The following ADAM10 variants were observed in gnomAD, a reference collection of about 807,000 sequenced individuals.
ADAM10 encodes the protein disintegrin and metalloproteinase domain-containing protein 10.
Under a neutral mutation model 90.1 loss-of-function variants are expected in ADAM10, and 17 were observed. The ratio of observed to expected loss-of-function variants is 0.19; its 90% CI spans 0.13 to 0.28. The LOEUF (loss-of-function observed/expected upper bound fraction) is 0.28. Among genes scored for constraint, ADAM10 ranks in the 10% least tolerant of loss-of-function variants. The pLI, the probability that ADAM10 is intolerant of heterozygous loss-of-function variation, is 1.00. For synonymous variants in ADAM10, 310 were observed against 298.6 expected, an observed-to-expected ratio of 1.04 and a Z score of -0.40; for missense variants, 610 against 914.3, an observed-to-expected ratio of 0.67 and a Z score of 4.29.
chr15:58,653,697 C>G (rs9744518), intron 5 of ADAM10, among the ~76,000 whole-genome samples: 43,636 of 151,928 alleles, frequency 0.29, 8,854 homozygotes, highest in African/African-American at 0.57. Flanking sequence ...CCTTTATCTG[C>G]TTTTGGTATC....
Position 58,591,528 on chromosome 15 carries a change from G to C in ADAM10, c.*6019C>G, listed in dbSNP as rs1188636090. 6.6e-6 allele frequency: 1 copy of C among 151,994 alleles called. No individual in the cohort carries two copies. The highest frequency in any genetic ancestry group is 2.4e-5 in the African/African-American group (1 of 41,352). 9.4% of individuals were successfully genotyped at this position (151,994 alleles called of 1,614,324 possible). On this transcript the variant is annotated 3_prime_UTR_variant, in exon 16 of 16. Transcript: ENST00000260408. ...TCCTCCCACCTTGGCCTCCCAAAGTGTTGGGATTACAGGTATGAGCCATCA... is the reference window on the plus strand; with the variant it reads ...TCCTCCCACCTTGGCCTCCCAAAGTCTTGGGATTACAGGTATGAGCCATCA...
chr15:58,610,816 A>G, intron 13 of ADAM10, 183 bp downstream of exon 13: 1 of 646,526 alleles, frequency 1.5e-6, no homozygotes, highest in Non-Finnish European at 2.7e-6. Flanking sequence ...ATCATTTTTA[A>G]AACATTGTAG....
At chr15:58,701,574 T>C (rs1265160290) in intron 2 of ADAM10, among the ~76,000 whole-genome samples, 5 of 152,170 alleles carry the variant, frequency 3.3e-5, no homozygotes, top group African/African-American at 9.7e-5. Flanking sequence ...CAAAACAGCA[T>C]AGAGATTTCT....
intron 5 of ADAM10, among the ~76,000 whole-genome samples, chr15:58,659,772 AG>A (rs1896924391): frequency 6.6e-6 from 1 of 152,138 alleles, no homozygotes; most frequent in South Asian, 2.1e-4. Flanking sequence ...TCTGTCGCCC[AG>A]GCTGGAGTGC....
intron 4 of ADAM10, chr15:58,672,780 A>AT (rs1566989263): frequency 7.7e-6 from 1 of 129,434 alleles, no homozygotes; most frequent in African/African-American, 3.2e-5. Flanking sequence ...GGAAGGCCTC[A>AT]TGCAGCAAAA....
At chr15:58,720,478 G>A (rs3933541) in intron 1 of ADAM10, among the ~76,000 whole-genome samples, 25,640 of 150,938 alleles carry the variant, frequency 0.17, 2,432 homozygotes, top group East Asian at 0.44. Flanking sequence ...TCGGCTCACC[G>A]CAAGCTCCAC....
chr15:58,646,527 A>G (rs987469220), intron 5 of ADAM10, among the ~76,000 whole-genome samples: 11 of 152,126 alleles, frequency 7.2e-5, no homozygotes, highest in Non-Finnish European at 5.9e-5. Context: ...ATACCCATCT[A>G]CCATCCAGTT....
chr15:58,741,481 AGCAT>A (rs1899613019), intron 1 of ADAM10, among the ~76,000 whole-genome samples: 1 of 152,194 alleles, frequency 6.6e-6, no homozygotes, highest in Non-Finnish European at 1.5e-5. Flanking sequence ...CCCAAGTATT[AGCAT>A]GCAAATAAAA....
chr15:58,618,335 C>T (rs1895680938), intron 11 of ADAM10, among the ~76,000 whole-genome samples: 1 of 152,090 alleles, frequency 6.6e-6, no homozygotes, highest in South Asian at 2.1e-4. Context: ...AAAAATGAAA[C>T]TAGACCCCTA....
chr15:58,618,906 T>C (rs1895698722), intron 11 of ADAM10, among the ~76,000 whole-genome samples: 1 of 152,216 alleles, frequency 6.6e-6, no homozygotes. Flanking sequence ...AGTTTACTGC[T>C]GGTGGGAATA....
intron 2 of ADAM10, chr15:58,698,367 T>C (rs1898034170): frequency 5.0e-6 from 2 of 396,724 alleles, no homozygotes; most frequent in Non-Finnish European, 9.8e-6. Flanking sequence ...AACCCAGGAG[T>C]TTGAGACCAG....
chr15:58,711,830 TTAAG>T (rs1300961185), intron 2 of ADAM10, among the ~76,000 whole-genome samples: 3 of 152,242 alleles, frequency 2.0e-5, no homozygotes, highest in Non-Finnish European at 4.4e-5. Flanking sequence ...GACAATCGTT[TTAAG>T]TAAGAGTCTC....
At chr15:58,645,025 T>A (rs1215944703) in intron 6 of ADAM10, among the ~76,000 whole-genome samples, 1 of 152,190 alleles carries the variant, frequency 6.6e-6, no homozygotes, top group African/African-American at 2.4e-5. Context: ...CCTTCCCAAC[T>A]TCATTTACAA....
chr15:58,695,888 G>A (rs933605294), intron 2 of ADAM10, among the ~76,000 whole-genome samples: 2 of 152,050 alleles, frequency 1.3e-5, no homozygotes, highest in Non-Finnish European at 2.9e-5. Context: ...AGGCCGAGGC[G>A]GGTGGATCAC....
intron 14 of ADAM10, among the ~76,000 whole-genome samples, chr15:58,602,441 C>T (rs982286314): frequency 6.6e-6 from 1 of 152,100 alleles, no homozygotes; most frequent in Non-Finnish European, 1.5e-5. Flanking sequence ...GTAGTGTTCC[C>T]CATCCCACAC....
At chr15:58,698,383 G>A (rs1898035015) in intron 2 of ADAM10, 2 of 327,928 alleles carry the variant, frequency 6.1e-6, no homozygotes, top group Non-Finnish European at 1.1e-5. Context: ...ACCAGCCTGG[G>A]CAACACGGCA....
chr15:58,684,652 A>G (rs1352745720), intron 2 of ADAM10, among the ~76,000 whole-genome samples: 2 of 152,190 alleles, frequency 1.3e-5, no homozygotes, highest in Non-Finnish European at 2.9e-5. Flanking sequence ...GGTGATCATG[A>G]GTTGTATCCT....
intron 1 of ADAM10, among the ~76,000 whole-genome samples, chr15:58,724,030 A>T (rs2657126): frequency 0.035 from 5,372 of 152,132 alleles, 102 homozygotes; most frequent in Middle Eastern, 0.051. Flanking sequence ...CAGGAGTTCA[A>T]GACCAGCCTG....
intron 3 of ADAM10, among the ~76,000 whole-genome samples, chr15:58,680,044 G>A (rs924852571): frequency 6.6e-6 from 1 of 152,050 alleles, no homozygotes; most frequent in Non-Finnish European, 1.5e-5. Flanking sequence ...CAAGAAAAAA[G>A]CTCCTTTTCC....
Sources: allele counts gnomAD v4.1 joint callset (sites outside exome capture counted in the v4.1 genomes callset), GRCh38; gene constraint gnomAD v4.1.1; transcripts MANE v1.5; gene names NCBI Gene and HGNC (gene_info 2026-07-23, HGNC 2026-07-21).